CHODL: variants seen among roughly 807,000 people sequenced by gnomAD.
CHODL encodes chondrolectin.
In CHODL, 29 loss-of-function variants were observed where a neutral mutation model predicts 34.5. That is an observed-to-expected ratio of 0.84 (90% CI 0.63 to 1.15). The LOEUF is 1.15. CHODL is among the 50% of genes most tolerant of loss of function. The pLI is 0.00. For missense variants in CHODL, 332 were observed against 332.5 expected (o/e 1.00, Z 0.01); for synonymous variants, 125 against 116.1 (o/e 1.08, Z -0.49).
intron 2 of CHODL, among the ~76,000 whole-genome samples, chr21:18,232,947 A>ATATATATATATATG (rs1181477009): frequency 7.5e-6 from 1 of 132,504 alleles, no homozygotes; most frequent in African/African-American, 3.1e-5. Flanking sequence ...GTTATGATAT[A>ATATATATATATATG]TATATATATA....
chr21:18,147,353 A>C lies in CHODL; in HGVS notation c.-44-109156A>C, dbSNP rs1333591057. Among the ~76,000 whole-genome samples the C allele has an allele frequency of 3.3e-5, 5 of 152,124 alleles. No homozygotes were observed. In the East Asian group the frequency reaches 9.6e-4, roughly 29 times the overall value. ...TCGAAGTAGCACCCTTCCCCTCTCC[A>C]AGCGCTGGTGGTCCCCCTGCTGCTT... On this transcript the variant is annotated intron_variant, in intron 2 of 6. Transcript: ENST00000400127.
At position 18,080,174 on chromosome 21, in the gene CHODL, T is replaced by C. The variant is rs560396935; in HGVS notation, c.-45+52203T>C. 1.1e-4 allele frequency among the ~76,000 whole-genome samples: 16 copies of C among 152,282 alleles called. No individual in the cohort carries two copies. The South Asian group carries it at 2.9e-3, about 28-fold the overall frequency. On this transcript the variant is annotated intron_variant, in intron 2 of 6. Coordinates refer to the CHODL transcript ENST00000400127. Reference sequence around the variant, plus strand: ...TTCATGTTCTTTGCTCCCTTTTTAATTGGGTTATTTGTTTATTTCTTGTTG... The same window carrying C: ...TTCATGTTCTTTGCTCCCTTTTTAACTGGGTTATTTGTTTATTTCTTGTTG...
intron 1 of CHODL, among the ~76,000 whole-genome samples, chr21:17,992,730 T>TG (rs1380042178): frequency 2.1e-5 from 3 of 144,610 alleles, no homozygotes; most frequent in African/African-American, 7.7e-5. Context: ...TTTTTTTTTT[T>TG]TTTTTTTTTT....
rs2074284489 is a variant in CHODL, at chr21:18,253,780, A to T, written c.80-2729A>T. Reference sequence around the variant, plus strand: ...TTTCTCTAACTTATTTCCCATGGTCATTCATACTAATATGTTCTTTTTCAT... The same window carrying T: ...TTTCTCTAACTTATTTCCCATGGTCTTTCATACTAATATGTTCTTTTTCAT... On this transcript the variant is annotated intron_variant, in intron 1 of 5. Coordinates refer to ENST00000299295, the MANE Select transcript of CHODL (RefSeq NM_024944.3). Among the ~76,000 whole-genome samples the T allele has an allele frequency of 2.6e-5, 4 of 152,116 alleles. No individual in the cohort carries two copies. The South Asian group carries it at 8.3e-4, about 32-fold the overall frequency.
intron 4 of CHODL, among the ~76,000 whole-genome samples, chr21:18,260,694 G>A (rs2074369412): frequency 6.6e-6 from 1 of 152,082 alleles, no homozygotes; most frequent in South Asian, 2.1e-4. Flanking sequence ...CACACCTGCA[G>A]TCCCAGCTAC....
chr21:18,152,761 T>C (rs1315132921), intron 2 of CHODL, among the ~76,000 whole-genome samples: 1 of 152,222 alleles, frequency 6.6e-6, no homozygotes, highest in East Asian at 1.9e-4. Flanking sequence ...GGATCGTTCA[T>C]GGTATATGCA....
chr21:18,256,354 T>C, intron 1 of CHODL, 155 bp from the exon 2 acceptor site: 1 of 806,896 alleles, frequency 1.2e-6, no homozygotes, highest in Non-Finnish European at 1.9e-6. Context: ...TTGCAAGCAA[T>C]AGGCTAGAAA....
chr21:17,961,949 A>G (rs2063535206), intron 1 of CHODL, among the ~76,000 whole-genome samples: 1 of 152,184 alleles, frequency 6.6e-6, no homozygotes, highest in Non-Finnish European at 1.5e-5. Context: ...TGGCCACATC[A>G]AAAGGGCTTG....
intron 2 of CHODL, among the ~76,000 whole-genome samples, chr21:18,153,570 C>T (rs896926503): frequency 1.3e-5 from 2 of 151,840 alleles, no homozygotes; most frequent in Non-Finnish European, 2.9e-5. Flanking sequence ...ATGATTATAT[C>T]GAGTTCATCT....
chr21:18,187,048 T>C (rs1255267541), intron 2 of CHODL, among the ~76,000 whole-genome samples: 1 of 152,178 alleles, frequency 6.6e-6, no homozygotes, highest in Non-Finnish European at 1.5e-5. Context: ...GTTACTGTAC[T>C]ATAATACAGC....
intron 1 of CHODL, among the ~76,000 whole-genome samples, chr21:18,248,453 T>A (rs1408929753): frequency 2.7e-5 from 4 of 150,754 alleles, no homozygotes; most frequent in Non-Finnish European, 4.4e-5. Flanking sequence ...ACCAGTCATT[T>A]AATGAACTAA....
At chr21:17,969,712 G>T (rs2063599398) in intron 1 of CHODL, among the ~76,000 whole-genome samples, 2 of 152,150 alleles carry the variant, frequency 1.3e-5, no homozygotes, top group Non-Finnish European at 2.9e-5. Flanking sequence ...ATACAGTGTG[G>T]TATTTTAAAC....
intron 1 of CHODL, among the ~76,000 whole-genome samples, chr21:17,932,198 A>G (rs1041639721): frequency 2.0e-5 from 3 of 151,336 alleles, no homozygotes; most frequent in African/African-American, 7.4e-5. Flanking sequence ...CAAAGATATG[A>G]AAAAAAGGCT....
At chr21:18,069,708 T>A (rs2064772928) in intron 2 of CHODL, among the ~76,000 whole-genome samples, 1 of 152,140 alleles carries the variant, frequency 6.6e-6, no homozygotes, top group Admixed American at 6.6e-5. Context: ...AAATTACTTT[T>A]TCCTAAAACA....
chr21:17,946,074 T>G (rs1264536389), intron 1 of CHODL, among the ~76,000 whole-genome samples: 1 of 152,102 alleles, frequency 6.6e-6, no homozygotes, highest in East Asian at 1.9e-4. Context: ...AAAAAAAACC[T>G]ATTAGCATTC....
At chr21:18,196,415 G>A (rs1420881148) in intron 2 of CHODL, among the ~76,000 whole-genome samples, 1 of 152,036 alleles carries the variant, frequency 6.6e-6, no homozygotes, top group Non-Finnish European at 1.5e-5. Flanking sequence ...ATGTATTTCT[G>A]TCTTTTGCTG....
At chr21:18,052,889 A>T (rs533541601) in intron 2 of CHODL, among the ~76,000 whole-genome samples, 15 of 147,082 alleles carry the variant, frequency 1.0e-4, no homozygotes, top group Admixed American at 8.6e-4. Context: ...GCGAAGGGGT[A>T]AATGTTTTAG....
chr21:18,227,102 A>G (rs59995808), intron 2 of CHODL, among the ~76,000 whole-genome samples: 6,540 of 152,172 alleles, frequency 0.043, 447 homozygotes, highest in African/African-American at 0.15. Flanking sequence ...GTGTCCTCAC[A>G]TAGTGGAAGG....
intron 2 of CHODL, among the ~76,000 whole-genome samples, chr21:18,045,014 A>G (rs2064424983): frequency 6.6e-6 from 1 of 151,968 alleles, no homozygotes; most frequent in Admixed American, 6.6e-5. Flanking sequence ...AAAAAGGGCA[A>G]ACTTCCCAGA....
Sources: gnomAD v4.1 joint callset for allele counts (sites outside exome capture counted in the v4.1 genomes callset) on GRCh38, gnomAD v4.1.1 for gene constraint, MANE v1.5 for transcripts, NCBI Gene and HGNC (gene_info 2026-07-23, HGNC 2026-07-21) for gene names.